The following TAF1B variants were observed in gnomAD, a reference collection of about 807,000 sequenced individuals.
TAF1B encodes TATA box-binding protein-associated factor RNA polymerase I subunit B.
In TAF1B, 61 loss-of-function variants were observed where a neutral mutation model predicts 83.9. That is an observed-to-expected ratio of 0.73 (90% confidence interval 0.59 to 0.90). The LOEUF is 0.90. Ranked by LOEUF, TAF1B falls within the 40% of genes least tolerant of loss-of-function variation. The probability of loss-of-function intolerance (pLI) is 0.00; values close to 1 mark genes in which losing one functional copy is unlikely to be tolerated. For synonymous variants in TAF1B, 221 were observed against 224.6 expected (o/e 0.98, Z 0.14); for missense variants, 625 against 677.0 (o/e 0.92, Z 0.85).
chr2:9,929,194 T>C (rs1357950004), intron 14 of TAF1B, among the ~76,000 whole-genome samples: 5 of 143,560 alleles, frequency 3.5e-5, no homozygotes, highest in African/African-American at 1.4e-4. Context: ...AGTCTCGCTC[T>C]GTCGCCCAGG....
chr2:9,882,625 T>C (rs572989217), intron 7 of TAF1B, 81 bp from the exon 8 acceptor site: 6 of 815,704 alleles, frequency 7.4e-6, no homozygotes, highest in Middle Eastern at 3.8e-4. Flanking sequence ...TGTCTTTGAA[T>C]TAAGAGATTT....
rs1383046685 is a variant in TAF1B at position 9,914,730 on chromosome 2, A to G, written c.1271+1481A>G. On this transcript the variant is annotated intron_variant, in intron 12 of 14. Coordinates refer to ENST00000263663, the MANE Select transcript of TAF1B (RefSeq NM_005680.3). The surrounding 1 kb of genome is among the most constrained non-coding windows in gnomAD (Gnocchi z 4.3). ...ACTTTCCAGGGAGGTACCGGGCCCC[A>G]AGGTGGAGGCTGTCGAGGGGACCCG... Among the ~76,000 whole-genome samples the G allele has an allele frequency of 6.6e-6, 1 of 152,172 alleles. No individual in the cohort carries two copies. Among genetic ancestry groups the G allele is most frequent in the African/African-American group, 2.4e-5 (1 of 41,446 alleles).
intron 14 of TAF1B, among the ~76,000 whole-genome samples, chr2:9,924,022 T>A (rs1231035486): frequency 1.3e-5 from 2 of 152,198 alleles, no homozygotes; most frequent in Admixed American, 6.5e-5. Context: ...TGCAGTATAA[T>A]GCAGTGAGTT....
chr2:9,895,357 C>T lies in TAF1B; in HGVS notation c.808-9502C>T, dbSNP rs574697087. Among the ~76,000 whole-genome samples, 4 of 152,222 alleles carry T rather than the reference C, an allele frequency of 2.6e-5. No homozygotes were observed. In the East Asian group the frequency reaches 5.8e-4, roughly 22 times the overall value. On this transcript the variant is annotated intron_variant, in intron 8 of 14. Transcript: ENST00000263663. Reference sequence around the variant, plus strand: ...TCTACAAAAAAACACAAAAATTAGCCGGGCGTGGCGGCACCTGCCTGTGGT... The same window carrying T: ...TCTACAAAAAAACACAAAAATTAGCTGGGCGTGGCGGCACCTGCCTGTGGT...
intron 5 of TAF1B, among the ~76,000 whole-genome samples, chr2:9,856,388 CAA>C (rs746045331): frequency 4.6e-5 from 7 of 150,980 alleles, no homozygotes; most frequent in Admixed American, 1.3e-4. Context: ...TAAATAAACT[CAA>C]GAGAAATAAC....
intron 4 of TAF1B, 109 bp from the exon 5 acceptor site, chr2:9,854,217 T>C (rs1572215148): frequency 2.6e-6 from 2 of 759,616 alleles, no homozygotes; most frequent in East Asian, 5.1e-5. Context: ...TTACTGGAAA[T>C]TTATATGTAA....
intron 8 of TAF1B, among the ~76,000 whole-genome samples, chr2:9,889,591 T>G (rs546815813): frequency 1.3e-5 from 2 of 152,308 alleles, no homozygotes; most frequent in South Asian, 4.1e-4. Context: ...TTTTATTGAT[T>G]GGTTATGTAT....
chr2:9,865,810 A>C (rs1663953807), intron 5 of TAF1B, among the ~76,000 whole-genome samples: 1 of 151,382 alleles, frequency 6.6e-6, no homozygotes, highest in African/African-American at 2.4e-5. Context: ...ATCTTTGACA[A>C]ACCTGACAAA....
intron 5 of TAF1B, among the ~76,000 whole-genome samples, chr2:9,867,853 A>G (rs1322967112): frequency 2.0e-5 from 3 of 152,204 alleles, no homozygotes; most frequent in African/African-American, 7.2e-5. Context: ...GTAATGAGTT[A>G]GGGAGAGGGA....
intron 8 of TAF1B, among the ~76,000 whole-genome samples, chr2:9,891,815 A>G (rs1173300468): frequency 6.6e-6 from 1 of 152,244 alleles, no homozygotes; most frequent in Admixed American, 6.5e-5. Flanking sequence ...GATATAAAGA[A>G]AACATTTTTG....
chr2:9,852,726 A>T (rs1663437053), intron 4 of TAF1B, among the ~76,000 whole-genome samples: 1 of 152,194 alleles, frequency 6.6e-6, no homozygotes, highest in African/African-American at 2.4e-5. Flanking sequence ...TCCTGAGCTC[A>T]GGCAATCTGC....
chr2:9,869,499 A>G (rs1664099058), intron 6 of TAF1B, among the ~76,000 whole-genome samples: 1 of 151,894 alleles, frequency 6.6e-6, no homozygotes, highest in Non-Finnish European at 1.5e-5. Context: ...CTGGGATTAC[A>G]GGTGTGAACC....
intron 8 of TAF1B, among the ~76,000 whole-genome samples, chr2:9,901,968 A>G (rs569928872): frequency 5.3e-4 from 81 of 152,318 alleles, no homozygotes; most frequent in African/African-American, 1.9e-3. Context: ...CTACAGATCA[A>G]TCATATGTTG....
intron 8 of TAF1B, among the ~76,000 whole-genome samples, chr2:9,897,521 T>C (rs1365200629): frequency 3.3e-5 from 5 of 152,160 alleles, no homozygotes; most frequent in African/African-American, 4.8e-5. Flanking sequence ...ATTCTGATCT[T>C]CTCCCTGAAT....
chr2:9,885,708 T>C (rs1030574556), intron 8 of TAF1B, among the ~76,000 whole-genome samples: 7 of 152,148 alleles, frequency 4.6e-5, no homozygotes, highest in Admixed American at 2.6e-4. Context: ...AATAACAATG[T>C]CTTTCTTCTG....
At chr2:9,871,194 C>T (rs560590423) in intron 6 of TAF1B, among the ~76,000 whole-genome samples, 8 of 152,258 alleles carry the variant, frequency 5.3e-5, no homozygotes, top group African/African-American at 1.9e-4. Flanking sequence ...ATTCTCCTGT[C>T]TCATCTTCCC....
chr2:9,908,195 G>A (rs1331760059), intron 9 of TAF1B, among the ~76,000 whole-genome samples: 1 of 151,306 alleles, frequency 6.6e-6, no homozygotes, highest in Non-Finnish European at 1.5e-5. Context: ...ACAGGCGCCC[G>A]CCACCACGCC....
At chr2:9,892,913 T>C (rs1664914574) in intron 8 of TAF1B, among the ~76,000 whole-genome samples, 1 of 152,180 alleles carries the variant, frequency 6.6e-6, no homozygotes, top group Non-Finnish European at 1.5e-5. Context: ...TTTGCATCCT[T>C]GCCAACACTT....
intron 6 of TAF1B, among the ~76,000 whole-genome samples, chr2:9,869,343 G>A (rs1351953700): frequency 6.6e-6 from 1 of 151,822 alleles, no homozygotes; most frequent in African/African-American, 2.4e-5. Context: ...TCCTACCTCA[G>A]CCTCCTGAGT....
Sources: allele counts gnomAD v4.1 joint callset (sites outside exome capture counted in the v4.1 genomes callset), GRCh38; gene constraint gnomAD v4.1.1; non-coding constraint Gnocchi (gnomAD v3.1); transcripts MANE v1.5; gene names NCBI Gene and HGNC (gene_info 2026-07-23, HGNC 2026-07-21).